Variants in FBXW11 observed in about 807,000 individuals in gnomAD.
FBXW11 encodes F-box and WD repeat domain containing 11.
A neutral mutation model predicts 77.6 loss-of-function variants in FBXW11; 19 were observed. That is an observed-to-expected ratio of 0.24 (90% CI 0.17 to 0.36). The LOEUF (loss-of-function observed/expected upper bound fraction) is 0.36, where lower values mean the gene tolerates loss of function less well. FBXW11 is among the 10% of genes least tolerant of loss of function. The pLI is 1.00. For synonymous variants in FBXW11, 235 were observed against 249.4 expected, an observed-to-expected ratio of 0.94 and a Z score of 0.54; for missense variants, 334 against 704.2, an observed-to-expected ratio of 0.47 and a Z score of 5.95.
intron 2 of FBXW11, among the ~76,000 whole-genome samples, chr5:171,944,946 T>G (rs1762932899): frequency 6.6e-6 from 1 of 152,208 alleles, no homozygotes; most frequent in Non-Finnish European, 1.5e-5. Flanking sequence ...ATGCTTATTC[T>G]TCATTCAGTA....
chr5:171,910,061 C>CTTT (rs3087180), intron 4 of FBXW11, among the ~76,000 whole-genome samples: 3 of 92,530 alleles, frequency 3.2e-5, no homozygotes, highest in African/African-American at 1.2e-4. Context: ...ATAATGAACA[C>CTTT]TTTTTTTTTT....
chr5:171,930,762 T>TAAA (rs59700625), intron 2 of FBXW11, among the ~76,000 whole-genome samples: 6 of 126,528 alleles, frequency 4.7e-5, no homozygotes, highest in Non-Finnish European at 8.4e-5. Flanking sequence ...AATAAAAAAA[T>TAAA]AAAAAAAAAA....
intron 1 of FBXW11, among the ~76,000 whole-genome samples, chr5:171,990,725 A>G (rs1765690409): frequency 6.6e-6 from 1 of 152,220 alleles, no homozygotes; most frequent in Non-Finnish European, 1.5e-5. Flanking sequence ...ACTTAAAAAA[A>G]GGTGCAAAAA....
chr5:171,895,884 G>A (rs544054970), intron 6 of FBXW11, among the ~76,000 whole-genome samples: 42 of 152,318 alleles, frequency 2.8e-4, no homozygotes, highest in African/African-American at 9.6e-4. Flanking sequence ...TTTTAGGAGC[G>A]AGCCTCAGGT....
At chr5:172,005,651 C>CT (rs377444944) in intron 1 of FBXW11, among the ~76,000 whole-genome samples, 18 of 149,304 alleles carry the variant, frequency 1.2e-4, no homozygotes, top group Admixed American at 2.0e-4. Flanking sequence ...GGATTCCCCT[C>CT]TTTTTTTTTT....
chr5:171,992,393 C>T (rs1765788819), intron 1 of FBXW11, among the ~76,000 whole-genome samples: 1 of 151,468 alleles, frequency 6.6e-6, no homozygotes, highest in Admixed American at 6.6e-5. Flanking sequence ...TGCCATGACA[C>T]TCCAGCCTAG....
At chr5:171,984,822 A>G (rs938895880) in intron 1 of FBXW11, among the ~76,000 whole-genome samples, 1 of 152,248 alleles carries the variant, frequency 6.6e-6, no homozygotes, top group East Asian at 1.9e-4. Flanking sequence ...ATTTTCAAAA[A>G]TAAAGGCAGG....
intron 13 of FBXW11, among the ~76,000 whole-genome samples, chr5:171,865,697 G>A (rs1032593063): frequency 3.9e-5 from 6 of 151,912 alleles, no homozygotes; most frequent in South Asian, 2.1e-4. Context: ...TCCTAATAAC[G>A]ATCTTATATT....
chr5:171,951,136 C>T (rs1011264351), intron 2 of FBXW11, among the ~76,000 whole-genome samples: 3 of 151,552 alleles, frequency 2.0e-5, no homozygotes, highest in African/African-American at 7.3e-5. Context: ...CATACAAAAT[C>T]GTACAAGCCT....
At chr5:171,875,750 A>C (rs1758036121) in intron 9 of FBXW11, among the ~76,000 whole-genome samples, 1 of 152,052 alleles carries the variant, frequency 6.6e-6, no homozygotes, top group Admixed American at 6.6e-5. Flanking sequence ...CTCCCCCTTC[A>C]CCGCATGCTA....
intron 9 of FBXW11, among the ~76,000 whole-genome samples, chr5:171,875,235 C>A (rs966403248): frequency 6.7e-6 from 1 of 149,676 alleles, no homozygotes; most frequent in African/African-American, 2.5e-5. Flanking sequence ...TAAAGCAAGA[C>A]CCCATCTGTA....
At chr5:171,985,511 C>T (rs1765386900) in intron 1 of FBXW11, among the ~76,000 whole-genome samples, 2 of 152,074 alleles carry the variant, frequency 1.3e-5, no homozygotes, top group South Asian at 4.1e-4. Flanking sequence ...ATAATCCTAA[C>T]ACTTCAGGAG....
intron 2 of FBXW11, among the ~76,000 whole-genome samples, chr5:171,950,715 G>A (rs572563176): frequency 2.6e-5 from 4 of 152,044 alleles, no homozygotes; most frequent in South Asian, 2.1e-4. Flanking sequence ...GCAAAATCTC[G>A]TCTCCACTTA....
chr5:171,932,362 A>T (rs1187986235), intron 2 of FBXW11, among the ~76,000 whole-genome samples: 1 of 152,222 alleles, frequency 6.6e-6, no homozygotes, highest in African/African-American at 2.4e-5. Flanking sequence ...CACATCTATC[A>T]GCATGGCCAA....
intron 2 of FBXW11, 29 bp downstream of exon 2, chr5:171,957,568 A>G (rs1408132091): frequency 6.4e-7 from 1 of 1,574,042 alleles, no homozygotes; most frequent in Non-Finnish European, 8.7e-7. Context: ...ACGTAAAAAC[A>G]CATTTACAAC....
chr5:171,921,378 T>C (rs1039940636), intron 2 of FBXW11, among the ~76,000 whole-genome samples: 1 of 152,208 alleles, frequency 6.6e-6, no homozygotes, highest in Non-Finnish European at 1.5e-5. Context: ...CTGCATTAAG[T>C]AATTAACAGT....
intron 8 of FBXW11, 64 bp downstream of exon 8, chr5:171,877,947 T>C: frequency 1.7e-6 from 2 of 1,155,838 alleles, no homozygotes; most frequent in Admixed American, 1.9e-5. Flanking sequence ...CAGAGGAGGA[T>C]GTCAATCTCA....
intron 4 of FBXW11, among the ~76,000 whole-genome samples, chr5:171,906,355 C>T (rs1760520776): frequency 6.6e-6 from 1 of 152,136 alleles, no homozygotes; most frequent in Admixed American, 6.6e-5. Flanking sequence ...TGGAAAACAC[C>T]AACCTAAGGT....
At chr5:171,971,988 T>C (rs1413130127) in intron 1 of FBXW11, among the ~76,000 whole-genome samples, 1 of 150,650 alleles carries the variant, frequency 6.6e-6, no homozygotes, top group Admixed American at 6.6e-5. Context: ...TCCCAGAATT[T>C]TGGGAGGCTG....
Sources: allele counts gnomAD v4.1 joint callset (sites outside exome capture counted in the v4.1 genomes callset), GRCh38; gene constraint gnomAD v4.1.1; transcripts MANE v1.5; gene names NCBI Gene and HGNC (gene_info 2026-07-23, HGNC 2026-07-21).